The following SCEL variants were observed in gnomAD, a reference collection of about 807,000 sequenced individuals.
The protein encoded by SCEL is sciellin.
Under a neutral mutation model 117.6 loss-of-function variants are expected in SCEL, and 113 were observed. The observed-to-expected ratio is 0.96, with a 90% CI of 0.83 to 1.12. SCEL has a LOEUF of 1.12. Ranked by LOEUF, SCEL falls within the 50% of genes most tolerant of loss-of-function variation. The pLI, the probability that SCEL is intolerant of heterozygous loss-of-function variation, is 0.00. For missense variants in SCEL, 785 were observed against 810.8 expected (o/e 0.97, Z 0.39); for synonymous variants, 270 against 256.2 (o/e 1.05, Z -0.51).
At chr13:77,593,259 A>AGC (rs2086984158) in intron 11 of SCEL, among the ~76,000 whole-genome samples, 2 of 111,110 alleles carry the variant, frequency 1.8e-5, no homozygotes, top group Non-Finnish European at 3.5e-5. Context: ...AACAGAGGGG[A>AGC]GTGTGTGTGT....
At chr13:77,543,464 T>C (rs1316728049) in intron 1 of SCEL, among the ~76,000 whole-genome samples, 3 of 152,254 alleles carry the variant, frequency 2.0e-5, no homozygotes, top group Non-Finnish European at 4.4e-5. Flanking sequence ...ATAAAGATAG[T>C]AATTTATAAA....
intron 29 of SCEL, among the ~76,000 whole-genome samples, chr13:77,635,782 A>T (rs762176376): frequency 2.5e-4 from 38 of 152,208 alleles, no homozygotes; most frequent in Non-Finnish European, 7.3e-5. Context: ...ACATATGTGT[A>T]TCATGTTCAC....
At chr13:77,644,165 C>A in intron 32 of SCEL, 93 bp from the exon 33 acceptor site, 1 of 1,345,092 alleles carries the variant, frequency 7.4e-7, no homozygotes, top group Non-Finnish European at 1.1e-6. Context: ...CCTTAATCTA[C>A]CACTACCCGT....
chr13:77,538,098 A>G (rs1360430842), intron 1 of SCEL, among the ~76,000 whole-genome samples: 1 of 148,514 alleles, frequency 6.7e-6, no homozygotes, highest in Admixed American at 6.7e-5. Context: ...TTCAAAGCTC[A>G]CTTCTGAATC....
chr13:77,579,815 A>C (rs1474944681), intron 9 of SCEL, among the ~76,000 whole-genome samples: 3 of 152,196 alleles, frequency 2.0e-5, no homozygotes, highest in Non-Finnish European at 4.4e-5. Context: ...CCAGATGCAA[A>C]GGGGAGGTGT....
chr13:77,599,665 A>T (rs781068371), intron 14 of SCEL, 24 bp from the exon 15 acceptor site: 1 of 1,558,450 alleles, frequency 6.4e-7, no homozygotes, highest in Non-Finnish European at 8.9e-7. Context: ...GCAGCCTTTT[A>T]TGTGAATTTC....
chr13:77,579,899 G>A (rs141065228), intron 9 of SCEL, among the ~76,000 whole-genome samples: 3 of 152,310 alleles, frequency 2.0e-5, no homozygotes, highest in South Asian at 2.1e-4. Flanking sequence ...GTGTATGGGC[G>A]TGTGTATGTG....
At chr13:77,605,132 TG>T (rs2088049498) in intron 19 of SCEL, among the ~76,000 whole-genome samples, 1 of 152,260 alleles carries the variant, frequency 6.6e-6, no homozygotes, top group Non-Finnish European at 1.5e-5. Context: ...TTTGTTGGCA[TG>T]TTGCTGGAAA....
At chr13:77,559,600 G>GC (rs2084858811) in intron 3 of SCEL, among the ~76,000 whole-genome samples, 1 of 152,208 alleles carries the variant, frequency 6.6e-6, no homozygotes, top group African/African-American at 2.4e-5. Context: ...ATGATCATTT[G>GC]TACTGACAAA....
chr13:77,633,062 T>C (rs904377036), intron 28 of SCEL, among the ~76,000 whole-genome samples: 2 of 152,230 alleles, frequency 1.3e-5, no homozygotes, highest in Non-Finnish European at 2.9e-5. Flanking sequence ...ACCTATAGAT[T>C]ATTCTTAAAG....
intron 27 of SCEL, among the ~76,000 whole-genome samples, chr13:77,626,649 G>A (rs2089747965): frequency 6.6e-6 from 1 of 152,096 alleles, no homozygotes; most frequent in Admixed American, 6.6e-5. Context: ...CCCCCTGGCA[G>A]CCTTATGAAG....
At chr13:77,619,495 T>C (rs1017665019) in intron 27 of SCEL, among the ~76,000 whole-genome samples, 15 of 152,302 alleles carry the variant, frequency 9.8e-5, no homozygotes, top group Non-Finnish European at 2.1e-4. Flanking sequence ...CAGCTCAGAC[T>C]CTCTTCTTCT....
At chr13:77,555,069 C>T (rs565996551) in intron 1 of SCEL, among the ~76,000 whole-genome samples, 7 of 152,080 alleles carry the variant, frequency 4.6e-5, no homozygotes, top group African/African-American at 1.7e-4. Context: ...ATGAAGCCAG[C>T]CAGGATTATA....
chr13:77,553,632 C>G (rs1371488892), intron 1 of SCEL, among the ~76,000 whole-genome samples: 3 of 152,038 alleles, frequency 2.0e-5, no homozygotes, highest in African/African-American at 7.2e-5. Context: ...CCCTGACACT[C>G]CCGGTGTGCT....
chr13:77,644,407 T>A lies in SCEL; in HGVS notation c.*133T>A. On this transcript the variant is annotated 3_prime_UTR_variant, in exon 33 of 33. Transcript: ENST00000349847. The stretch of plus-strand genomic sequence containing the variant: ...TCTTGTACAAAATTAACAATTCTGT[T>A]ATTGCATAAGTAATCTAATTGTCTT... The A allele has an allele frequency of 1.2e-6, 1 of 859,570 alleles. No homozygotes were observed. 53.2% of individuals were successfully genotyped at this position (859,570 alleles called of 1,614,324 possible).
chr13:77,641,232 T>A (rs540354348), intron 31 of SCEL, among the ~76,000 whole-genome samples: 1 of 152,194 alleles, frequency 6.6e-6, no homozygotes, highest in African/African-American at 2.4e-5. Flanking sequence ...TTTGAGAGCA[T>A]AATTAGTGGT....
chr13:77,600,095 T>C (rs2087551340), intron 15 of SCEL: 1 of 206,258 alleles, frequency 4.8e-6, no homozygotes, highest in Non-Finnish European at 9.8e-6. Context: ...AATACATTTA[T>C]ATTAAGGCAT....
At chr13:77,539,624 G>A (rs1195080998) in intron 1 of SCEL, among the ~76,000 whole-genome samples, 1 of 151,410 alleles carries the variant, frequency 6.6e-6, no homozygotes, top group East Asian at 1.9e-4. Flanking sequence ...TGCAAGCTCC[G>A]CCTCCCGGGT....
rs1393169543 is a variant in SCEL, at chr13:77,614,858, A to G, written c.1451+903A>G. 2.6e-5 allele frequency among the ~76,000 whole-genome samples: 4 copies of G among 152,162 alleles called. No individual in the cohort carries two copies. In the East Asian group the frequency reaches 7.7e-4, roughly 29 times the overall value. The stretch of plus-strand genomic sequence containing the variant: ...ATTACTGAGCACCTACTGGGTTCAC[A>G]GCTTACAACTAGGTATCATTACTTG... On this transcript the variant is annotated intron_variant, in intron 24 of 32. Transcript: ENST00000349847.
Sources: gnomAD v4.1 joint callset for allele counts (sites outside exome capture counted in the v4.1 genomes callset) on GRCh38, gnomAD v4.1.1 for gene constraint, MANE v1.5 for transcripts, NCBI Gene and HGNC (gene_info 2026-07-23, HGNC 2026-07-21) for gene names.